DNAAF9: variants seen among roughly 807,000 people sequenced by gnomAD.
DNAAF9 encodes shulin.
A neutral mutation model predicts 167.0 loss-of-function variants in DNAAF9; 90 were observed. That is an observed-to-expected ratio of 0.54 (90% CI 0.45 to 0.64). The LOEUF is 0.64. Among genes scored for constraint, DNAAF9 ranks in the 30% least tolerant of loss-of-function variants. The probability of loss-of-function intolerance (pLI) is 0.00; values close to 1 mark genes in which losing one functional copy is unlikely to be tolerated. For synonymous variants in DNAAF9, 491 were observed against 508.8 expected, an observed-to-expected ratio of 0.96 and a Z score of 0.47; for missense variants, 1,315 against 1,442.2, an observed-to-expected ratio of 0.91 and a Z score of 1.43.
At chr20:3,353,633 ACCACCC>A (rs376561803) in intron 7 of DNAAF9, among the ~76,000 whole-genome samples, 1,533 of 68,848 alleles carry the variant, frequency 0.022, 36 homozygotes, top group African/African-American at 0.068. Context: ...GTCCCCCCGC[ACCACCC>A]CCCCCCCCGC....
Position 3,308,682 on chromosome 20 carries a change from G to A in DNAAF9, c.1679-4139C>T, listed in dbSNP as rs187585574. Among the ~76,000 whole-genome samples, 20 of 151,746 alleles carry A rather than the reference G, an allele frequency of 1.3e-4. No homozygotes were observed. The East Asian group carries it at 2.7e-3, about 21-fold the overall frequency. On this transcript the variant is annotated intron_variant, in intron 20 of 36. Coordinates refer to ENST00000252032, the MANE Select transcript of DNAAF9 (RefSeq NM_001009984.3). ...TTAAAGTGTCCCTCCAGCCAGGTGC[G>A]GTGGCTCCCTCCAGCCAGGTACAGT...
At chr20:3,302,349 G>A (rs2069205535) in intron 21 of DNAAF9, among the ~76,000 whole-genome samples, 1 of 152,106 alleles carries the variant, frequency 6.6e-6, no homozygotes, top group Non-Finnish European at 1.5e-5. Flanking sequence ...TCAGGGTAAT[G>A]AATGAGAAAT....
At chr20:3,385,789 A>G (rs1028965940) in intron 1 of DNAAF9, among the ~76,000 whole-genome samples, 1 of 152,218 alleles carries the variant, frequency 6.6e-6, no homozygotes, top group Non-Finnish European at 1.5e-5. Flanking sequence ...TATAAACCTA[A>G]TAAAACATAC....
At chr20:3,370,140 C>T (rs886297415) in intron 6 of DNAAF9, among the ~76,000 whole-genome samples, 1 of 152,166 alleles carries the variant, frequency 6.6e-6, no homozygotes, top group Admixed American at 6.5e-5. Flanking sequence ...GGTCTCCATC[C>T]CCTTATATTC....
chr20:3,268,896 A>AATTT (rs1649924645), intron 30 of DNAAF9, among the ~76,000 whole-genome samples: 1 of 80,840 alleles, frequency 1.2e-5, no homozygotes. Context: ...TCTCTATGTT[A>AATTT]CTTTTTTTTT....
intron 1 of DNAAF9, among the ~76,000 whole-genome samples, chr20:3,402,609 A>G (rs113192437): frequency 0.044 from 6,558 of 149,668 alleles, 206 homozygotes; most frequent in African/African-American, 0.091. Context: ...ACAGGATCTC[A>G]CTCTGTTGCC....
In DNAAF9 at chr20:3,315,890, C is replaced by T; in HGVS notation, c.1540-105G>A. The stretch of plus-strand genomic sequence containing the variant: ...ATTTCCAGGACACTGGCTGGACAGT[C>T]CTTCCACCATGTCCATGTCCAGTGC... On this transcript the variant is annotated intron_variant, in intron 18 of 36. Transcript: ENST00000252032. The surrounding 1 kb of genome is among the most constrained non-coding windows in gnomAD (Gnocchi z 4.1). 1.1e-6 allele frequency: 1 copy of T among 877,958 alleles called. No individual in the cohort carries two copies. The highest frequency in any genetic ancestry group is 1.7e-5 in the Admixed American group (1 of 58,266). 54.4% of individuals were successfully genotyped at this position (877,958 alleles called of 1,614,324 possible). A position where few individuals can be genotyped will look rare whatever the true frequency, so the allele number is the denominator to read the frequency against.
At position 3,318,212 on chromosome 20, in the gene DNAAF9, CTTAGT is replaced by C. The variant is rs1396133052; in HGVS notation, c.1468+72_1468+76del. 1.1e-5 allele frequency: 7 copies of C among 651,082 alleles called. No individual in the cohort carries two copies. The East Asian group carries it at 1.6e-4, about 15-fold the overall frequency. 40.3% of individuals were successfully genotyped at this position (651,082 alleles called of 1,614,324 possible). A position where few individuals can be genotyped will look rare whatever the true frequency, so the allele number is the denominator to read the frequency against. On this transcript the variant is annotated intron_variant, in intron 17 of 36. Transcript: ENST00000252032. ...TACCAGTTTATTGTTGGCCTTTTGC[CTTAGT>C]TTATAGTTTATTTTGCCAAAAAAAA...
intron 1 of DNAAF9, among the ~76,000 whole-genome samples, chr20:3,394,949 C>CTTTTT (rs10522445): frequency 2.3e-4 from 23 of 102,136 alleles, no homozygotes; most frequent in East Asian, 6.2e-4. Flanking sequence ...TTTCTTTTTT[C>CTTTTT]TTTTTTTTTT....
intron 31 of DNAAF9, among the ~76,000 whole-genome samples, chr20:3,263,366 A>C: frequency 6.6e-6 from 1 of 152,198 alleles, no homozygotes. Context: ...AGAATAACAA[A>C]GATAATCCAA....
intron 1 of DNAAF9, among the ~76,000 whole-genome samples, chr20:3,384,871 T>C (rs1339977240): frequency 3.9e-5 from 6 of 151,958 alleles, no homozygotes; most frequent in Admixed American, 3.9e-4. Flanking sequence ...ACCAAAAAAC[T>C]GATGCAGAAA....
chr20:3,386,860 A>G (rs2083747308), intron 1 of DNAAF9, among the ~76,000 whole-genome samples: 1 of 152,204 alleles, frequency 6.6e-6, no homozygotes, highest in African/African-American at 2.4e-5. Flanking sequence ...CTATGACAAC[A>G]TGTTCGACAT....
intron 21 of DNAAF9, 112 bp from the exon 22 acceptor site, chr20:3,298,287 C>T (rs867165130): frequency 3.7e-5 from 32 of 869,506 alleles, no homozygotes; most frequent in Middle Eastern, 4.5e-4. Flanking sequence ...TGTCACATTA[C>T]GTAGTTCACT....
intron 16 of DNAAF9, 64 bp downstream of exon 16, chr20:3,322,153 C>G: frequency 7.9e-7 from 1 of 1,270,320 alleles, no homozygotes; most frequent in East Asian, 2.3e-5. Flanking sequence ...CTCCCACCTC[C>G]CAACTTACAG....
At chr20:3,287,333 C>G (rs2068869163) in intron 27 of DNAAF9, among the ~76,000 whole-genome samples, 1 of 152,238 alleles carries the variant, frequency 6.6e-6, no homozygotes, top group Non-Finnish European at 1.5e-5. Context: ...TGAATGAAGA[C>G]TTAGGGACCA....
In DNAAF9 at chr20:3,264,421, T is replaced by C. The variant is rs2068449254; in HGVS notation, c.2873+17A>G. On this transcript the variant is annotated intron_variant, in intron 31 of 36. Transcript: ENST00000252032. The stretch of plus-strand genomic sequence containing the variant: ...TTTACAAAAAAATCTTAGTTATTTT[T>C]CAATGATGATACTTGCCAGCCAGGA... 8.9e-7 allele frequency: 1 copy of C among 1,125,990 alleles called. No individual in the cohort carries two copies. Among genetic ancestry groups the C allele is most frequent in the East Asian group, 2.3e-5 (1 of 42,684 alleles). The allele number at this position is 1,125,990 out of a possible 1,614,324, so 69.7% of individuals were successfully genotyped here. A position where few individuals can be genotyped will look rare whatever the true frequency, so the allele number is the denominator to read the frequency against.
intron 8 of DNAAF9, among the ~76,000 whole-genome samples, chr20:3,346,773 C>T (rs901941068): frequency 2.6e-5 from 4 of 151,962 alleles, no homozygotes; most frequent in African/African-American, 4.8e-5. Context: ...GACAGTGACA[C>T]TTCTGAGTAT....
intron 1 of DNAAF9, among the ~76,000 whole-genome samples, chr20:3,382,720 T>C (rs2083675368): frequency 6.6e-6 from 1 of 152,188 alleles, no homozygotes; most frequent in Admixed American, 6.5e-5. Context: ...AGAACTGGTC[T>C]GAAGACTAAG....
intron 29 of DNAAF9, among the ~76,000 whole-genome samples, chr20:3,271,420 C>T (rs1485638286): frequency 1.3e-5 from 2 of 152,036 alleles, no homozygotes; most frequent in Non-Finnish European, 2.9e-5. Context: ...CATGATCACT[C>T]CCAACCTTTT....
Sources: gnomAD v4.1 joint callset for allele counts (sites outside exome capture counted in the v4.1 genomes callset) on GRCh38, gnomAD v4.1.1 for gene constraint, Gnocchi (gnomAD v3.1) non-coding constraint, MANE v1.5 for transcripts, NCBI Gene and HGNC (gene_info 2026-07-23, HGNC 2026-07-21) for gene names.